The following XPR1 variants were observed in gnomAD, a reference collection of about 807,000 sequenced individuals.
XPR1 encodes xenotropic and polytropic retrovirus receptor 1, also known as solute carrier family 53 member 1.
Under a neutral mutation model 87.5 loss-of-function variants are expected in XPR1, and 28 were observed. The ratio of observed to expected loss-of-function variants is 0.32; its 90% CI spans 0.24 to 0.44. XPR1 has a LOEUF of 0.44. XPR1 is among the 20% of genes least tolerant of loss of function. The pLI is 1.00. For synonymous variants in XPR1, 300 were observed against 306.1 expected (o/e 0.98, Z 0.21); for missense variants, 559 against 862.3 (o/e 0.65, Z 4.41).
chr1:180,708,891 A>G (rs1204959042), intron 2 of XPR1, among the ~76,000 whole-genome samples: 1 of 116,860 alleles, frequency 8.6e-6, no homozygotes, highest in Non-Finnish European at 1.6e-5. Context: ...ATAAGCATGT[A>G]AAGTTTTTTT....
chr1:180,655,690 T>G (rs1014478105), intron 1 of XPR1, among the ~76,000 whole-genome samples: 2 of 152,192 alleles, frequency 1.3e-5, no homozygotes, highest in Admixed American at 6.5e-5. Context: ...ACTTTTGTCC[T>G]GTGCTTTCTT....
chr1:180,701,857 A>T (rs1429614456), intron 2 of XPR1, among the ~76,000 whole-genome samples: 1 of 135,118 alleles, frequency 7.4e-6, no homozygotes, highest in Non-Finnish European at 1.6e-5. Context: ...CTAGCGGTCT[A>T]TCAATTTTGT....
intron 2 of XPR1, among the ~76,000 whole-genome samples, chr1:180,761,561 C>G (rs1422206727): frequency 6.6e-6 from 1 of 152,162 alleles, no homozygotes; most frequent in African/African-American, 2.4e-5. Context: ...CAAATCAAAA[C>G]CACAATGAGA....
chr1:180,682,285 A>C (rs1037692939), intron 1 of XPR1, 75 bp from the exon 2 acceptor site: 35 of 1,201,502 alleles, frequency 2.9e-5, no homozygotes, highest in Non-Finnish European at 4.1e-5. Flanking sequence ...TTGAAAAAGA[A>C]CTGTTTAGCT....
intron 4 of XPR1, among the ~76,000 whole-genome samples, chr1:180,805,041 T>C (rs1649938098): frequency 6.6e-6 from 1 of 152,184 alleles, no homozygotes; most frequent in African/African-American, 2.4e-5. Context: ...TAATAATTAA[T>C]TATGAAAGTT....
chr1:180,673,658 G>C (rs1656264222), intron 1 of XPR1, among the ~76,000 whole-genome samples: 1 of 152,166 alleles, frequency 6.6e-6, no homozygotes, highest in African/African-American at 2.4e-5. Context: ...CCCCTATTGT[G>C]AACTGTGCAC....
chr1:180,778,981 C>T (rs1314775716), intron 2 of XPR1, among the ~76,000 whole-genome samples: 1 of 152,170 alleles, frequency 6.6e-6, no homozygotes, highest in East Asian at 1.9e-4. Flanking sequence ...TCCCTGACCT[C>T]ACCTCCTATC....
chr1:180,763,875 C>T (rs1033968920), intron 2 of XPR1, among the ~76,000 whole-genome samples: 1 of 152,096 alleles, frequency 6.6e-6, no homozygotes, highest in Admixed American at 6.5e-5. Flanking sequence ...TTTATCTCAC[C>T]TAAAAAAATA....
intron 2 of XPR1, among the ~76,000 whole-genome samples, chr1:180,786,908 A>G (rs1357707944): frequency 6.6e-6 from 1 of 152,212 alleles, no homozygotes; most frequent in Admixed American, 6.5e-5. Flanking sequence ...AAGGTTTGGA[A>G]CTTGTAATTT....
chr1:180,716,224 G>A (rs755199995), intron 2 of XPR1, among the ~76,000 whole-genome samples: 5 of 151,962 alleles, frequency 3.3e-5, no homozygotes, highest in Admixed American at 6.6e-5. Context: ...GGGCACAAGT[G>A]ATACAAGTGG....
chr1:180,821,345 AAATC>A (rs1461195242), intron 7 of XPR1, among the ~76,000 whole-genome samples: 1 of 152,206 alleles, frequency 6.6e-6, no homozygotes, highest in Non-Finnish European at 1.5e-5. Context: ...CTCATGTTGA[AAATC>A]AATCAGCCAT....
At chr1:180,726,803 C>T (rs1658367746) in intron 2 of XPR1, among the ~76,000 whole-genome samples, 1 of 151,762 alleles carries the variant, frequency 6.6e-6, no homozygotes, top group South Asian at 2.1e-4. Flanking sequence ...AAAATAGAGT[C>T]ATTTATGTTA....
intron 2 of XPR1, among the ~76,000 whole-genome samples, chr1:180,735,918 A>G (rs1375235934): frequency 2.6e-5 from 4 of 152,090 alleles, no homozygotes; most frequent in African/African-American, 9.7e-5. Flanking sequence ...GGAGTTCATT[A>G]CCCCTCAAGG....
chr1:180,680,374 T>C (rs1656530733), intron 1 of XPR1, among the ~76,000 whole-genome samples: 1 of 138,464 alleles, frequency 7.2e-6, no homozygotes, highest in Non-Finnish European at 1.6e-5. Flanking sequence ...TTTTTTTTTT[T>C]TTTTTTTTGT....
intron 3 of XPR1, among the ~76,000 whole-genome samples, chr1:180,788,072 T>C (rs1649222675): frequency 6.6e-6 from 1 of 152,182 alleles, no homozygotes; most frequent in South Asian, 2.1e-4. Flanking sequence ...GTCAAAAGGA[T>C]ATTGGGACTT....
At chr1:180,796,267 A>T (rs1200975639) in intron 3 of XPR1, among the ~76,000 whole-genome samples, 2 of 152,162 alleles carry the variant, frequency 1.3e-5, no homozygotes, top group Non-Finnish European at 2.9e-5. Flanking sequence ...TCATTGCAAA[A>T]TAGATTGGGA....
intron 10 of XPR1, among the ~76,000 whole-genome samples, 156 bp from the exon 11 acceptor site, chr1:180,836,366 A>AG (rs1397009715): frequency 6.6e-6 from 1 of 152,130 alleles, no homozygotes; most frequent in African/African-American, 2.4e-5. Context: ...CAAAAAAAAA[A>AG]AAGAAAATCT....
At chr1:180,798,514 T>G (rs79864854) in intron 3 of XPR1, among the ~76,000 whole-genome samples, 4,249 of 152,334 alleles carry the variant, frequency 0.028, 76 homozygotes, top group Non-Finnish European at 0.045. Context: ...TCCTTTGCCC[T>G]CAGCCAGAAC....
intron 3 of XPR1, among the ~76,000 whole-genome samples, chr1:180,790,184 A>G (rs1649321045): frequency 1.3e-5 from 2 of 152,122 alleles, no homozygotes; most frequent in East Asian, 1.9e-4. Flanking sequence ...TTTTCCTCCA[A>G]TCTTTGTAGA....
Sources: allele counts gnomAD v4.1 joint callset (sites outside exome capture counted in the v4.1 genomes callset), GRCh38; gene constraint gnomAD v4.1.1; transcripts MANE v1.5; gene names NCBI Gene and HGNC (gene_info 2026-07-23, HGNC 2026-07-21).